Variants in MINDY4 observed in about 807,000 individuals in gnomAD.
The protein encoded by MINDY4 is probable ubiquitin carboxyl-terminal hydrolase MINDY-4.
In MINDY4, 68 loss-of-function variants were observed where a neutral mutation model predicts 87.0. The ratio of observed to expected loss-of-function variants is 0.78; its 90% CI spans 0.64 to 0.96. MINDY4 has a LOEUF of 0.96. Among genes scored for constraint, MINDY4 ranks in the 40% least tolerant of loss-of-function variants. The pLI, the probability that MINDY4 is intolerant of heterozygous loss-of-function variation, is 0.00. For synonymous variants in MINDY4, 379 were observed against 363.2 expected (o/e 1.04, Z -0.50); for missense variants, 919 against 928.2 (o/e 0.99, Z 0.13).
intron 4 of MINDY4, chr7:30,786,262 A>C: frequency 2.2e-6 from 1 of 448,968 alleles, no homozygotes; most frequent in Non-Finnish European, 4.0e-6. Context: ...GCTGGGTAAG[A>C]ATACCTACTC....
chr7:30,839,269 T>C lies in MINDY4; in HGVS notation c.1309T>C (p.Ser437Pro). The C allele has an allele frequency of 1.2e-6, 2 of 1,612,994 alleles. No individual in the cohort carries two copies. The highest frequency in any genetic ancestry group is 1.7e-6 in the Non-Finnish European group (2 of 1,179,620). ...FNEEWKLQSF[S>P]FSNTASLKYG... is the part of the protein sequence containing the mutation. ...TGAAGAATGGAAACTTCAGAGTTTTTCCTTTAGTAACACAGCCTCATTAAA... is the reference window on the plus strand; with the variant it reads ...TGAAGAATGGAAACTTCAGAGTTTTCCCTTTAGTAACACAGCCTCATTAAA... The change falls in exon 8 of 18, where the codon TCC becomes CCC. Residue 437 changes from serine to proline, a missense_variant. Ser to Pro is a moderately conservative substitution (Grantham distance 74). Transcript: ENST00000265299.
intron 12 of MINDY4, among the ~76,000 whole-genome samples, chr7:30,854,127 C>G (rs1284506388): frequency 2.0e-5 from 3 of 152,200 alleles, no homozygotes; most frequent in Non-Finnish European, 4.4e-5. Context: ...GGGCTACACA[C>G]TCCAGGGGTA....
At chr7:30,783,860 G>A (rs543676314) in intron 3 of MINDY4, among the ~76,000 whole-genome samples, 1 of 152,290 alleles carries the variant, frequency 6.6e-6, no homozygotes. Flanking sequence ...GCAGAGATGG[G>A]AAAAATCTGG....
chr7:30,854,834 G>T (rs879681428), intron 12 of MINDY4, among the ~76,000 whole-genome samples: 1 of 152,236 alleles, frequency 6.6e-6, no homozygotes, highest in Non-Finnish European at 1.5e-5. Context: ...ACAAAAGGAG[G>T]CAGGTGAGGT....
chr7:30,841,361 GA>G (rs1321279049), intron 9 of MINDY4, among the ~76,000 whole-genome samples: 2 of 152,192 alleles, frequency 1.3e-5, no homozygotes, highest in Non-Finnish European at 2.9e-5. Flanking sequence ...CACATTCCTG[GA>G]ACATCTCTGT....
At chr7:30,860,248 G>A (rs753172535) in intron 13 of MINDY4, among the ~76,000 whole-genome samples, 9 of 152,198 alleles carry the variant, frequency 5.9e-5, no homozygotes, top group Non-Finnish European at 7.4e-5. Context: ...CTTCTTTCCC[G>A]GCCTGGTTGG....
chr7:30,805,320 G>C (rs1381813948), intron 5 of MINDY4, among the ~76,000 whole-genome samples: 1 of 152,182 alleles, frequency 6.6e-6, no homozygotes, highest in Non-Finnish European at 1.5e-5. Flanking sequence ...ACCTGAAGGG[G>C]AGGTGCTGCT....
chr7:30,858,357 G>A (rs573665600), intron 12 of MINDY4: 2 of 152,312 alleles, frequency 1.3e-5, no homozygotes, highest in African/African-American at 4.8e-5. Context: ...AACTTGATAA[G>A]GGTAGGTGCT....
intron 13 of MINDY4, among the ~76,000 whole-genome samples, chr7:30,868,892 G>C (rs532961950): frequency 6.6e-6 from 1 of 152,186 alleles, no homozygotes; most frequent in Non-Finnish European, 1.5e-5. Flanking sequence ...CTGACCCTTC[G>C]CTGCCAGAAT....
intron 1 of MINDY4, among the ~76,000 whole-genome samples, chr7:30,773,661 G>A (rs1485535661): frequency 1.3e-5 from 2 of 152,138 alleles, no homozygotes; most frequent in African/African-American, 4.8e-5. Context: ...CAGTGACTGT[G>A]CCATCCTCCC....
chr7:30,876,884 C>G (rs1790276292), intron 15 of MINDY4, among the ~76,000 whole-genome samples: 2 of 152,088 alleles, frequency 1.3e-5, no homozygotes, highest in South Asian at 4.2e-4. Flanking sequence ...CGATTCCACC[C>G]TGGATTTTCA....
chr7:30,779,368 A>G (rs1049702707), intron 2 of MINDY4, among the ~76,000 whole-genome samples: 2 of 152,238 alleles, frequency 1.3e-5, no homozygotes, highest in Non-Finnish European at 2.9e-5. Context: ...ATGAAACTAC[A>G]CTTTCTACTT....
Position 30,791,318 on chromosome 7 carries a change from G to A in MINDY4, c.817G>A (p.Gly273Ser). 6.2e-7 allele frequency: 1 copy of A among 1,614,086 alleles called. No homozygotes were observed. Among genetic ancestry groups the A allele is most frequent in the Non-Finnish European group, 8.5e-7 (1 of 1,180,006 alleles). ...CAGCTCCCCCTCCAGGACCTCCCTG[G>A]GTCAGCTTAGTGAACTGACCGTAGA... ...SNSSPSRTSLGQLSELTVERQ... is the reference protein window; with the variant it reads ...SNSSPSRTSLSQLSELTVERQ... Residue 273 changes from glycine to serine, a missense_variant, in exon 5 of 18, where the codon GGT becomes AGT. Transcript: ENST00000265299.
chr7:30,850,617 T>C, intron 10 of MINDY4, 62 bp downstream of exon 10: 4 of 1,417,514 alleles, frequency 2.8e-6, no homozygotes, highest in Non-Finnish European at 3.9e-6. Context: ...GCCGGCAAGC[T>C]GGCTGTGTAT....
intron 1 of MINDY4, among the ~76,000 whole-genome samples, chr7:30,772,245 T>G (rs946585863): frequency 2.0e-5 from 3 of 152,184 alleles, no homozygotes; most frequent in Non-Finnish European, 2.9e-5. Context: ...ACATGGTGAC[T>G]GAGGGCTGCA....
At chr7:30,846,618 C>T (rs545137938) in intron 9 of MINDY4, among the ~76,000 whole-genome samples, 2 of 152,254 alleles carry the variant, frequency 1.3e-5, no homozygotes, top group Non-Finnish European at 2.9e-5. Flanking sequence ...AGACGCAGGA[C>T]CTTTCCCTGT....
At chr7:30,867,509 A>T (rs1045370947) in intron 13 of MINDY4, among the ~76,000 whole-genome samples, 3 of 152,108 alleles carry the variant, frequency 2.0e-5, no homozygotes, top group African/African-American at 7.2e-5. Flanking sequence ...CTGTATTGCA[A>T]ATGGGGAGAC....
At chr7:30,810,174 C>CAAAAA (rs58498956) in intron 5 of MINDY4, among the ~76,000 whole-genome samples, 351 of 65,724 alleles carry the variant, frequency 5.3e-3, no homozygotes, top group Middle Eastern at 0.016. Flanking sequence ...GACTCTGTTT[C>CAAAAA]AAAAAAAAAA....
chr7:30,820,305 CTGTTA>C (rs1362451560), intron 5 of MINDY4, among the ~76,000 whole-genome samples: 1 of 151,812 alleles, frequency 6.6e-6, no homozygotes, highest in Admixed American at 6.6e-5. Flanking sequence ...TTTATTTGTC[CTGTTA>C]TATTTCATAC....
Sources: gnomAD v4.1 joint callset for allele counts (sites outside exome capture counted in the v4.1 genomes callset) on GRCh38, gnomAD v4.1.1 for gene constraint, MANE v1.5 for transcripts, NCBI Gene and HGNC (gene_info 2026-07-23, HGNC 2026-07-21) for gene names.